VPS13B: variants seen among roughly 807,000 people sequenced by gnomAD.
The protein encoded by VPS13B is intermembrane lipid transfer protein VPS13B.
VPS13B carries 285 observed loss-of-function variants against 426.4 expected under a neutral mutation model. The observed-to-expected ratio is 0.67, with a 90% confidence interval of 0.61 to 0.74. The LOEUF (loss-of-function observed/expected upper bound fraction) is 0.74, where lower values mean the gene tolerates loss of function less well. Among genes scored for constraint, VPS13B ranks in the 30% least tolerant of loss-of-function variants. VPS13B has a pLI of 0.00. For missense variants in VPS13B, 4,537 were observed against 4,782.6 expected (o/e 0.95, Z 1.51); for synonymous variants, 1,676 against 1,676.4 (o/e 1.00, Z 0.01).
chr8:99,467,950 C>A (rs773532390), intron 24 of VPS13B, among the ~76,000 whole-genome samples: 1 of 152,132 alleles, frequency 6.6e-6, no homozygotes, highest in Admixed American at 6.6e-5. Flanking sequence ...TTGAACTGAT[C>A]GAGTGTAATT....
At chr8:99,700,706 T>C (rs1231143557) in intron 36 of VPS13B, among the ~76,000 whole-genome samples, 3 of 152,202 alleles carry the variant, frequency 2.0e-5, no homozygotes, top group Non-Finnish European at 4.4e-5. Flanking sequence ...GACTAAATTG[T>C]TATATACTTT....
chr8:99,245,165 C>CCA, intron 17 of VPS13B, among the ~76,000 whole-genome samples: 1 of 152,138 alleles, frequency 6.6e-6, no homozygotes, highest in Non-Finnish European at 1.5e-5. Context: ...GATTTAAGTT[C>CCA]CAGTTTGATA....
At chr8:99,178,867 C>G (rs1247685207) in intron 16 of VPS13B, among the ~76,000 whole-genome samples, 1 of 152,020 alleles carries the variant, frequency 6.6e-6, no homozygotes, top group Non-Finnish European at 1.5e-5. Context: ...AGTGAGCCAC[C>G]CGCCTCGGCC....
intron 17 of VPS13B, among the ~76,000 whole-genome samples, chr8:99,256,278 C>T (rs1231907086): frequency 1.3e-5 from 2 of 152,110 alleles, no homozygotes; most frequent in Non-Finnish European, 2.9e-5. Flanking sequence ...TATGTATATA[C>T]CACATTTTGC....
intron 33 of VPS13B, among the ~76,000 whole-genome samples, chr8:99,584,983 C>T (rs1032762893): frequency 2.0e-5 from 3 of 152,154 alleles, no homozygotes; most frequent in African/African-American, 7.2e-5. Context: ...TTTACATTTT[C>T]TGTAACTGAC....
chr8:99,779,816 A>C (rs1811923971), intron 42 of VPS13B, among the ~76,000 whole-genome samples: 1 of 152,126 alleles, frequency 6.6e-6, no homozygotes, highest in South Asian at 2.1e-4. Context: ...ATTTCCATCA[A>C]GTTTGTGTTG....
intron 21 of VPS13B, among the ~76,000 whole-genome samples, chr8:99,398,381 CAAG>C (rs1814854743): frequency 6.6e-6 from 1 of 152,092 alleles, no homozygotes; most frequent in African/African-American, 2.4e-5. Context: ...CAAAGAGTTG[CAAG>C]AAGAAGGTGC....
chr8:99,066,409 C>T lies in VPS13B; in HGVS notation c.291+27843C>T, dbSNP rs1587988960. ...AAAAACAAGCAATGGGGAAAGGATT[C>T]CCTATTTAATAAATGGTGGTGGGAA... On this transcript the variant is annotated intron_variant, in intron 3 of 61. Transcript: ENST00000357162. Among the ~76,000 whole-genome samples, 3 of 152,260 alleles carry T rather than the reference C, an allele frequency of 2.0e-5. No homozygotes were observed. In the East Asian group the frequency reaches 5.8e-4, roughly 29 times the overall value.
At chr8:99,389,557 A>T (rs368847876) in intron 20 of VPS13B, 1 of 152,172 alleles carries the variant, frequency 6.6e-6, no homozygotes, top group African/African-American at 2.4e-5. Context: ...ATTAAAGTAG[A>T]TAAAAGAAAA....
intron 17 of VPS13B, among the ~76,000 whole-genome samples, chr8:99,211,691 C>A (rs1198597448): frequency 6.6e-6 from 1 of 151,796 alleles, no homozygotes; most frequent in Non-Finnish European, 1.5e-5. Context: ...GCAGGAGAAT[C>A]ACTTGAATCT....
chr8:99,186,715 A>G (rs765867240), intron 16 of VPS13B, among the ~76,000 whole-genome samples: 1 of 152,184 alleles, frequency 6.6e-6, no homozygotes, highest in Non-Finnish European at 1.5e-5. Context: ...GCTGAAAAAT[A>G]AACCACAAAG....
At chr8:99,594,992 T>C (rs1826927036) in intron 33 of VPS13B, among the ~76,000 whole-genome samples, 1 of 152,036 alleles carries the variant, frequency 6.6e-6, no homozygotes, top group Non-Finnish European at 1.5e-5. Context: ...TTGCAATAGA[T>C]GAAGCAACTG....
chr8:99,362,683 G>A (rs941215424), intron 19 of VPS13B, among the ~76,000 whole-genome samples: 1 of 152,156 alleles, frequency 6.6e-6, no homozygotes, highest in African/African-American at 2.4e-5. Flanking sequence ...TCCATTGTGT[G>A]TATGCATCAC....
chr8:99,676,237 G>T (rs528210946), intron 35 of VPS13B, among the ~76,000 whole-genome samples: 3 of 152,220 alleles, frequency 2.0e-5, no homozygotes, highest in Admixed American at 2.0e-4. Context: ...CACCAGGATG[G>T]AATCCCGTGG....
intron 51 of VPS13B, among the ~76,000 whole-genome samples, chr8:99,825,621 T>C (rs1325883196): frequency 6.6e-6 from 1 of 152,198 alleles, no homozygotes; most frequent in Non-Finnish European, 1.5e-5. Context: ...TTGCTTTTGG[T>C]GTTTTAGTCA....
intron 35 of VPS13B, among the ~76,000 whole-genome samples, chr8:99,665,731 A>T (rs918233946): frequency 6.6e-6 from 1 of 152,116 alleles, no homozygotes; most frequent in Non-Finnish European, 1.5e-5. Flanking sequence ...GCCTTGTAGT[A>T]TAGTTTGAAG....
intron 17 of VPS13B, among the ~76,000 whole-genome samples, chr8:99,245,060 CTT>C (rs1817142090): frequency 6.6e-6 from 1 of 152,174 alleles, no homozygotes; most frequent in South Asian, 2.1e-4. Flanking sequence ...TGCTTTCTCT[CTT>C]GTTTCACAAT....
At chr8:99,435,040 G>C (rs1363860505) in intron 22 of VPS13B, among the ~76,000 whole-genome samples, 1 of 152,206 alleles carries the variant, frequency 6.6e-6, no homozygotes, top group Non-Finnish European at 1.5e-5. Context: ...TATACTGTAG[G>C]GAGCCCCTTA....
At chr8:99,022,796 G>A (rs1253437789) in intron 2 of VPS13B, among the ~76,000 whole-genome samples, 1 of 151,768 alleles carries the variant, frequency 6.6e-6, no homozygotes, top group Non-Finnish European at 1.5e-5. Context: ...ATGTTATTAA[G>A]TGTATACAAA....
Sources: gnomAD v4.1 joint callset for allele counts (sites outside exome capture counted in the v4.1 genomes callset) on GRCh38, gnomAD v4.1.1 for gene constraint, MANE v1.5 for transcripts, NCBI Gene and HGNC (gene_info 2026-07-23, HGNC 2026-07-21) for gene names.